CCDC93: variants seen among roughly 807,000 people sequenced by gnomAD.
CCDC93 encodes coiled-coil domain-containing protein 93.
In CCDC93, 61 loss-of-function variants were observed where a neutral mutation model predicts 108.2. The observed-to-expected ratio is 0.56, with a 90% CI of 0.46 to 0.70. CCDC93 has a LOEUF of 0.70. Among genes scored for constraint, CCDC93 ranks in the 30% least tolerant of loss-of-function variants. The pLI is 0.00. For synonymous variants in CCDC93, 276 were observed against 260.4 expected (o/e 1.06, Z -0.58); for missense variants, 685 against 764.2 (o/e 0.90, Z 1.22).
chr2:117,978,265 C>T (rs1215360933), intron 7 of CCDC93, among the ~76,000 whole-genome samples: 2 of 152,182 alleles, frequency 1.3e-5, no homozygotes, highest in Non-Finnish European at 2.9e-5. Context: ...AACTCTCAGA[C>T]AGTATGGAAT....
chr2:117,986,373 C>T (rs1680320867), intron 6 of CCDC93, among the ~76,000 whole-genome samples: 1 of 152,114 alleles, frequency 6.6e-6, no homozygotes, highest in Non-Finnish European at 1.5e-5. Context: ...ATGAAGTGGT[C>T]TGCCATGCTA....
At chr2:117,975,156 G>A (rs1195709437) in intron 9 of CCDC93, 32 bp downstream of exon 9, 4 of 1,568,026 alleles carry the variant, frequency 2.6e-6, no homozygotes, top group Non-Finnish European at 2.6e-6. Context: ...GACTTACACA[G>A]AAACCTCAGA....
chr2:117,952,478 T>C, intron 12 of CCDC93, 43 bp from the exon 13 acceptor site: 3 of 1,326,360 alleles, frequency 2.3e-6, no homozygotes, highest in Middle Eastern at 1.8e-4. Flanking sequence ...ATTTGATCCT[T>C]ATGACAACAC....
rs1023501078 is a variant in CCDC93 at position 117,926,296 on chromosome 2, T to C, written c.1842+4741A>G. On this transcript the variant is annotated intron_variant, in intron 23 of 23. Coordinates refer to ENST00000376300, the MANE Select transcript of CCDC93 (RefSeq NM_019044.5). ...AGCAGAACTGAAGGAAATAGAGACA[T>C]AAAAAACCCTTCAAAAAATCAATGA... 5.3e-5 allele frequency among the ~76,000 whole-genome samples: 8 copies of C among 150,978 alleles called. No individual in the cohort carries two copies. In the East Asian group the frequency reaches 5.8e-4, roughly 11 times the overall value.
chr2:117,946,808 T>C lies in CCDC93; in HGVS notation c.1296+3A>G. The C allele has an allele frequency of 6.2e-7, 1 of 1,609,464 alleles. No individual in the cohort carries two copies. Among genetic ancestry groups the C allele is most frequent in the Non-Finnish European group, 8.5e-7 (1 of 1,175,690 alleles). On this transcript the variant is annotated splice_donor_region_variant and intron_variant, in intron 16 of 23. Coordinates refer to ENST00000376300, the MANE Select transcript of CCDC93 (RefSeq NM_019044.5). Reference sequence around the variant, plus strand: ...GTCTCAAGGACTAATTCAGAGCCTTTACCTTTTCATCTCCACGTGGTGCTC... The same window carrying C: ...GTCTCAAGGACTAATTCAGAGCCTTCACCTTTTCATCTCCACGTGGTGCTC...
intron 8 of CCDC93, 60 bp from the exon 9 acceptor site, chr2:117,975,340 A>C: frequency 8.4e-7 from 1 of 1,189,392 alleles, no homozygotes; most frequent in Admixed American, 1.7e-5. Flanking sequence ...TAGAGAAAGG[A>C]CAATACTGAC....
intron 7 of CCDC93, among the ~76,000 whole-genome samples, chr2:117,980,494 C>T (rs528085815): frequency 2.0e-5 from 3 of 152,232 alleles, no homozygotes; most frequent in East Asian, 1.9e-4. Flanking sequence ...ATTCCTAGGA[C>T]GAATCTACTC....
chr2:117,941,115 C>T, intron 19 of CCDC93, 74 bp downstream of exon 19: 1 of 1,036,904 alleles, frequency 9.6e-7, no homozygotes, highest in East Asian at 2.4e-5. Flanking sequence ...CATGCTCCCC[C>T]ATGCTAAAGT....
chr2:118,000,803 C>CCA lies in CCDC93; in HGVS notation c.363+16_363+17dup. 6.5e-7 allele frequency: 1 copy of CCA among 1,527,852 alleles called. No homozygotes were observed. The highest frequency in any genetic ancestry group is 1.8e-4 in the Middle Eastern group (1 of 5,612). 94.6% of individuals were successfully genotyped at this position (1,527,852 alleles called of 1,614,324 possible). On this transcript the variant is annotated intron_variant, in intron 4 of 23. Transcript: ENST00000376300. ...ATTCTGATGTTAAGAGGACAAGAAA[C>CCA]CACACAGAGGCTCTCACCTGAACAA...
intron 3 of CCDC93, among the ~76,000 whole-genome samples, chr2:118,004,592 G>A (rs2104828543): frequency 6.6e-6 from 1 of 152,338 alleles, no homozygotes; most frequent in South Asian, 2.1e-4. Context: ...CTATGGTGGG[G>A]GGGAACACCA....
intron 20 of CCDC93, among the ~76,000 whole-genome samples, chr2:117,938,462 C>T (rs1165647956): frequency 8.6e-5 from 13 of 150,936 alleles, no homozygotes; most frequent in Non-Finnish European, 4.4e-5. Flanking sequence ...TGCAGCGCAC[C>T]AGCATGGCAC....
chr2:117,964,065 G>A (rs1679476828), intron 11 of CCDC93, among the ~76,000 whole-genome samples: 1 of 152,204 alleles, frequency 6.6e-6, no homozygotes, highest in South Asian at 2.1e-4. Context: ...TTTGTAAACA[G>A]AAACATATTT....
chr2:117,931,809 C>T lies in CCDC93; in HGVS notation c.1729-659G>A, dbSNP rs183408964. Reference sequence around the variant, plus strand: ...TAGGATATTTTCAGGATTTTGATCTCATAAATAGATGCTAGGCTTTGATTT... The same window carrying T: ...TAGGATATTTTCAGGATTTTGATCTTATAAATAGATGCTAGGCTTTGATTT... On this transcript the variant is annotated intron_variant, in intron 22 of 23. Coordinates refer to ENST00000376300, the MANE Select transcript of CCDC93 (RefSeq NM_019044.5). The T allele has an allele frequency of 1.4e-4, 22 of 152,350 alleles. No individual in the cohort carries two copies. In the East Asian group the frequency reaches 4.2e-3, roughly 29 times the overall value. The allele number at this position is 152,350 out of a possible 1,614,324, so 9.4% of individuals were successfully genotyped here.
At chr2:117,997,956 G>A (rs907749061) in intron 4 of CCDC93, 1 of 152,240 alleles carries the variant, frequency 6.6e-6, no homozygotes, top group African/African-American at 2.4e-5. Flanking sequence ...CTGGATCCTG[G>A]AGAGCATGAT....
At chr2:117,954,565 C>G (rs1436981557) in intron 12 of CCDC93, among the ~76,000 whole-genome samples, 3 of 152,116 alleles carry the variant, frequency 2.0e-5, no homozygotes, top group Admixed American at 2.0e-4. Flanking sequence ...CATCATTAAC[C>G]CCTACACTTA....
intron 14 of CCDC93, among the ~76,000 whole-genome samples, chr2:117,948,999 G>A (rs1678964693): frequency 6.6e-6 from 1 of 152,228 alleles, no homozygotes; most frequent in Non-Finnish European, 1.5e-5. Context: ...GCTGGGGACA[G>A]GAGTGGGAGG....
chr2:117,921,053 T>A (rs1677847860), intron 23 of CCDC93, among the ~76,000 whole-genome samples: 1 of 151,644 alleles, frequency 6.6e-6, no homozygotes, highest in Non-Finnish European at 1.5e-5. Flanking sequence ...GGCAGGCGCC[T>A]GTAGTCCCAG....
chr2:118,006,934 T>C, intron 2 of CCDC93, 118 bp from the exon 3 acceptor site: 2 of 646,376 alleles, frequency 3.1e-6, no homozygotes, highest in Non-Finnish European at 2.8e-6. Context: ...CAAAATTATA[T>C]ATCTTGAGAG....
chr2:117,926,060 T>C (rs1394902785), intron 23 of CCDC93, among the ~76,000 whole-genome samples: 1 of 152,178 alleles, frequency 6.6e-6, no homozygotes, highest in Non-Finnish European at 1.5e-5. Flanking sequence ...AAGATGTTCT[T>C]TGAAACCAAC....
Sources: allele counts gnomAD v4.1 joint callset (sites outside exome capture counted in the v4.1 genomes callset), GRCh38; gene constraint gnomAD v4.1.1; transcripts MANE v1.5; gene names NCBI Gene and HGNC (gene_info 2026-07-23, HGNC 2026-07-21).